Variants in FAM24B observed in about 807,000 individuals in gnomAD.
FAM24B encodes protein FAM24B.
A neutral mutation model predicts 2.3 loss-of-function variants in FAM24B; 3 were observed. The ratio of observed to expected loss-of-function variants is 1.29; its 90% CI spans 0.59 to 3.32. The LOEUF is 3.32. Ranked by LOEUF, FAM24B falls within the 30% of genes most tolerant of loss-of-function variation. The pLI is 0.03. For synonymous variants in FAM24B, 36 were observed against 46.3 expected (o/e 0.78, Z 0.90); for missense variants, 98 against 117.2 (o/e 0.84, Z 0.76).
chr10:122,869,175 A>G (rs575110962), intron 1 of FAM24B, among the ~76,000 whole-genome samples: 1 of 152,248 alleles, frequency 6.6e-6, no homozygotes, highest in South Asian at 2.1e-4. Context: ...CAAAGATCAA[A>G]AGAGACAAAG....
intron 1 of FAM24B, among the ~76,000 whole-genome samples, chr10:122,858,868 C>A (rs1287704126): frequency 6.6e-6 from 1 of 152,230 alleles, no homozygotes; most frequent in African/African-American, 2.4e-5. Flanking sequence ...CCCTCCCTGG[C>A]AGTTATGCAA....
chr10:122,853,711 G>A (rs1413044205), intron 2 of FAM24B, among the ~76,000 whole-genome samples: 1 of 152,194 alleles, frequency 6.6e-6, no homozygotes, highest in Non-Finnish European at 1.5e-5. Flanking sequence ...GCAATATGGT[G>A]AGACCCCATC....
chr10:122,868,967 C>T (rs190620656), intron 1 of FAM24B, among the ~76,000 whole-genome samples: 127 of 152,174 alleles, frequency 8.3e-4, no homozygotes, highest in Non-Finnish European at 1.4e-3. Flanking sequence ...CTAAATGCTC[C>T]AATTAAAAGG....
intron 2 of FAM24B, among the ~76,000 whole-genome samples, chr10:122,852,323 A>ATTGT: frequency 6.6e-6 from 1 of 152,208 alleles, no homozygotes; most frequent in Non-Finnish European, 1.5e-5. Flanking sequence ...TGGTAAGAAC[A>ATTGT]CTTACATGGT....
intron 1 of FAM24B, among the ~76,000 whole-genome samples, chr10:122,870,252 T>C (rs983650440): frequency 6.6e-6 from 1 of 152,184 alleles, no homozygotes; most frequent in Admixed American, 6.5e-5. Flanking sequence ...GTTGAATCTC[T>C]GAATAGACCA....
chr10:122,856,372 T>A (rs1000901027), intron 1 of FAM24B, among the ~76,000 whole-genome samples: 1 of 151,946 alleles, frequency 6.6e-6, no homozygotes, highest in Non-Finnish European at 1.5e-5. Context: ...CCAATTATGT[T>A]CCCCGTGTAG....
intron 2 of FAM24B, among the ~76,000 whole-genome samples, chr10:122,851,892 A>G (rs1847544742): frequency 6.6e-6 from 1 of 152,218 alleles, no homozygotes; most frequent in South Asian, 2.1e-4. Flanking sequence ...AAAAATACCA[A>G]TAAAGATAAA....
At chr10:122,853,398 G>A (rs1296923790) in intron 2 of FAM24B, among the ~76,000 whole-genome samples, 1 of 152,062 alleles carries the variant, frequency 6.6e-6, no homozygotes, top group Non-Finnish European at 1.5e-5. Context: ...CACACCCCAT[G>A]TATTTTCATG....
intron 1 of FAM24B, among the ~76,000 whole-genome samples, chr10:122,874,247 T>A (rs1018752205): frequency 6.6e-6 from 1 of 152,188 alleles, no homozygotes; most frequent in Non-Finnish European, 1.5e-5. Context: ...ATTTGTCTAT[T>A]TCTCTTTGCA....
At chr10:122,857,376 G>A (rs1847658358) in intron 1 of FAM24B, among the ~76,000 whole-genome samples, 1 of 152,158 alleles carries the variant, frequency 6.6e-6, no homozygotes, top group South Asian at 2.1e-4. Context: ...AGGTTACTAT[G>A]TTCCACTTAT....
At chr10:122,851,952 C>T (rs1439786718) in intron 2 of FAM24B, among the ~76,000 whole-genome samples, 1 of 151,992 alleles carries the variant, frequency 6.6e-6, no homozygotes, top group Non-Finnish European at 1.5e-5. Flanking sequence ...ACTACAATAA[C>T]TGAAATGAAA....
intron 1 of FAM24B, among the ~76,000 whole-genome samples, chr10:122,866,945 T>C (rs993678157): frequency 2.0e-5 from 3 of 152,214 alleles, no homozygotes; most frequent in Non-Finnish European, 2.9e-5. Context: ...AAAACCCAGA[T>C]AGGCTGACAA....
chr10:122,856,991 G>T (rs572157675), intron 1 of FAM24B, among the ~76,000 whole-genome samples: 1 of 152,244 alleles, frequency 6.6e-6, no homozygotes, highest in African/African-American at 2.4e-5. Context: ...AACAGAATTT[G>T]GTTGTTTGTG....
chr10:122,850,170 C>G (rs1321969394), intron 3 of FAM24B, among the ~76,000 whole-genome samples: 1 of 152,142 alleles, frequency 6.6e-6, no homozygotes, highest in East Asian at 1.9e-4. Flanking sequence ...CCAAGCAGCG[C>G]TGACACTCAC....
intron 2 of FAM24B, 38 bp from the exon 3 acceptor site, chr10:122,850,588 G>T: frequency 9.5e-7 from 1 of 1,051,466 alleles, no homozygotes; most frequent in Non-Finnish European, 1.5e-6. Flanking sequence ...GAGCCCACGT[G>T]GTCTCCCTCC....
At chr10:122,849,561 C>A in intron 3 of FAM24B, 122 bp from the exon 4 acceptor site, 1 of 808,606 alleles carries the variant, frequency 1.2e-6, no homozygotes. Flanking sequence ...AACACCAGCC[C>A]TACATTAAAG....
chr10:122,866,168 CTGA>C, intron 1 of FAM24B, among the ~76,000 whole-genome samples: 1 of 152,190 alleles, frequency 6.6e-6, no homozygotes, highest in African/African-American at 2.4e-5. Flanking sequence ...TCCCAAAGTG[CTGA>C]TATTACAGGC....
At chr10:122,874,394 T>C (rs981664129) in intron 1 of FAM24B, among the ~76,000 whole-genome samples, 1 of 152,222 alleles carries the variant, frequency 6.6e-6, no homozygotes, top group Non-Finnish European at 1.5e-5. Context: ...CCTTGGATCA[T>C]TTTCCTTCCC....
intron 1 of FAM24B, among the ~76,000 whole-genome samples, chr10:122,864,508 T>C (rs1395294400): frequency 2.0e-5 from 3 of 152,188 alleles, no homozygotes; most frequent in Non-Finnish European, 2.9e-5. Flanking sequence ...AAAGTAACTT[T>C]GACAAGAAAA....
Sources: gnomAD v4.1 joint callset for allele counts (sites outside exome capture counted in the v4.1 genomes callset) on GRCh38, gnomAD v4.1.1 for gene constraint, MANE v1.5 for transcripts, NCBI Gene and HGNC (gene_info 2026-07-23, HGNC 2026-07-21) for gene names.